Variants in PAX7 observed in about 807,000 individuals in gnomAD.
PAX7 encodes the protein paired box 7.
Under a neutral mutation model 50.7 loss-of-function variants are expected in PAX7, and 18 were observed. That is an observed-to-expected ratio of 0.36 (90% confidence interval 0.25 to 0.53). The LOEUF (loss-of-function observed/expected upper bound fraction) is 0.53, where lower values mean the gene tolerates loss of function less well. PAX7 is among the 20% of genes least tolerant of loss of function. The probability of loss-of-function intolerance (pLI) is 0.93; values close to 1 mark genes in which losing one functional copy is unlikely to be tolerated. For missense variants in PAX7, 644 were observed against 702.9 expected (o/e 0.92, Z 0.95); for synonymous variants, 310 against 290.4 (o/e 1.07, Z -0.69).
At position 18,746,912 on chromosome 1, in the gene PAX7, CTT is replaced by C. The variant is rs1931467586; in HGVS notation, c.*1985_*1986del. ...ATGAATAACTGGGGACAAACAGACT[CTT>C]TGGTAGCAGCAGACACATGTGATCC... On this transcript the variant is annotated 3_prime_UTR_variant, in exon 9 of 9. Transcript: ENST00000420770. 3 of 231,806 alleles carry C rather than the reference CTT, an allele frequency of 1.3e-5. No individual in the cohort carries two copies. In the South Asian group the frequency reaches 5.4e-4, roughly 42 times the overall value. 14.4% of individuals were successfully genotyped at this position (231,806 alleles called of 1,614,324 possible).
chr1:18,727,159 A>G (rs1361106707), intron 7 of PAX7, among the ~76,000 whole-genome samples: 4 of 152,194 alleles, frequency 2.6e-5, no homozygotes, highest in African/African-American at 9.6e-5. Flanking sequence ...GATTCTACAC[A>G]TGCACATACA....
chr1:18,674,705 A>G (rs75560762), intron 4 of PAX7, among the ~76,000 whole-genome samples: 3,421 of 152,254 alleles, frequency 0.022, 62 homozygotes, highest in Non-Finnish European at 0.034. Flanking sequence ...CCCTTTTTCC[A>G]CTGTGCTGAT....
chr1:18,734,954 C>A lies in PAX7; in HGVS notation c.1156-678C>A, dbSNP rs116072502. 2.5e-3 allele frequency among the ~76,000 whole-genome samples: 385 copies of A among 152,304 alleles called. 1 individual carries two copies. Among genetic ancestry groups the A allele is most frequent in the African/African-American group, 8.8e-3 (366 of 41,572 alleles). Reference sequence around the variant, plus strand: ...CTCCCCTGGTAGTCTGTGTTGCCAGCACTGACAGTGAGTTCCTATTTGCGG... The same window carrying A: ...CTCCCCTGGTAGTCTGTGTTGCCAGAACTGACAGTGAGTTCCTATTTGCGG... On this transcript the variant is annotated intron_variant, in intron 7 of 8. Coordinates refer to ENST00000420770, the MANE Select transcript of PAX7 (RefSeq NM_001135254.2).
chr1:18,666,776 G>GA (rs2100221209), intron 4 of PAX7, among the ~76,000 whole-genome samples: 1 of 152,236 alleles, frequency 6.6e-6, no homozygotes, highest in East Asian at 1.9e-4. Context: ...GACAGGCTTT[G>GA]AAAGTGAATT....
chr1:18,690,961 A>G (rs2089059840), intron 4 of PAX7, among the ~76,000 whole-genome samples: 1 of 152,160 alleles, frequency 6.6e-6, no homozygotes, highest in African/African-American at 2.4e-5. Context: ...AAGCTTCTTG[A>G]TGGGCAGCTC....
In PAX7 at chr1:18,735,216, G is replaced by A. The variant is rs1186161840; in HGVS notation, c.1156-416G>A. On this transcript the variant is annotated intron_variant, in intron 7 of 8. Coordinates refer to ENST00000420770, the MANE Select transcript of PAX7 (RefSeq NM_001135254.2). This position sits in a 1 kb window ranked among gnomAD's most constrained non-coding sequence, Gnocchi z 4.0. ...GAAGATGGGGCCATCCCAGTCTGAT[G>A]GGGGAGGCACAGTTCTCTGAGCTTG... Among the ~76,000 whole-genome samples, 2 of 152,220 alleles carry A rather than the reference G, an allele frequency of 1.3e-5. No individual in the cohort carries two copies. The highest frequency in any genetic ancestry group is 3.8e-4 in the East Asian group (2 of 5,198).
rs551778966 is a variant in PAX7 at position 18,748,698 on chromosome 1, G to A, written c.*3769G>A. On this transcript the variant is annotated 3_prime_UTR_variant, in exon 9 of 9. Transcript: ENST00000420770. ...GTGTGAGTGGGGTGTGTGCGTGGGCGTGTGGGCGTGAGGTGTGTGTTTAAA... is the reference window on the plus strand; with the variant it reads ...GTGTGAGTGGGGTGTGTGCGTGGGCATGTGGGCGTGAGGTGTGTGTTTAAA... The A allele has an allele frequency of 1.7e-5, 4 of 232,018 alleles. No homozygotes were observed. The highest frequency in any genetic ancestry group is 3.6e-4 in the South Asian group (2 of 5,514). The allele number at this position is 232,018 out of a possible 1,614,324, so 14.4% of individuals were successfully genotyped here.
chr1:18,669,468 C>A (rs1317441619), intron 4 of PAX7, among the ~76,000 whole-genome samples: 1 of 152,216 alleles, frequency 6.6e-6, no homozygotes, highest in Non-Finnish European at 1.5e-5. Flanking sequence ...CCAGTCCCAG[C>A]TCCCTCACTG....
intron 4 of PAX7, among the ~76,000 whole-genome samples, chr1:18,677,855 G>T (rs1455820381): frequency 1.4e-5 from 2 of 146,796 alleles, no homozygotes; most frequent in Admixed American, 6.8e-5. Context: ...AGGCTGAGGT[G>T]GGCAGATCAC....
intron 4 of PAX7, among the ~76,000 whole-genome samples, chr1:18,684,678 C>T (rs777952720): frequency 1.1e-4 from 17 of 152,240 alleles, no homozygotes; most frequent in African/African-American, 4.1e-4. Flanking sequence ...GGCCCACACT[C>T]GCCAGCTCTC....
intron 7 of PAX7, among the ~76,000 whole-genome samples, chr1:18,722,211 G>A (rs543064041): frequency 1.3e-5 from 2 of 152,312 alleles, no homozygotes; most frequent in South Asian, 2.1e-4. Flanking sequence ...GAGTGGGGTC[G>A]TAATCAGAGC....
At position 18,631,303 on chromosome 1, in the gene PAX7, G is replaced by C. The variant is rs1048209173; in HGVS notation, c.-301G>C. ...GCATCAGCCCGCACAACTTCTGGCCGAGGCCAGCCGGCAGAGGCGGACTTG... is the reference window on the plus strand; with the variant it reads ...GCATCAGCCCGCACAACTTCTGGCCCAGGCCAGCCGGCAGAGGCGGACTTG... On this transcript the variant is annotated 5_prime_UTR_variant, in exon 1 of 9. Coordinates refer to ENST00000420770, the MANE Select transcript of PAX7 (RefSeq NM_001135254.2). 6.4e-5 allele frequency: 20 copies of C among 310,638 alleles called. No individual in the cohort carries two copies. Among genetic ancestry groups the C allele is most frequent in the African/African-American group, 3.8e-4 (18 of 47,596 alleles). The allele number at this position is 310,638 out of a possible 1,614,324, so 19.2% of individuals were successfully genotyped here.
chr1:18,725,302 G>GCCCCC (rs3216186), intron 7 of PAX7, among the ~76,000 whole-genome samples: 7 of 106,422 alleles, frequency 6.6e-5, no homozygotes, highest in South Asian at 3.6e-4. Flanking sequence ...AGGTGGAGAC[G>GCCCCC]CCCCCCCCCC....
At chr1:18,647,680 G>A (rs2088367725) in intron 4 of PAX7, among the ~76,000 whole-genome samples, 1 of 152,128 alleles carries the variant, frequency 6.6e-6, no homozygotes, top group Non-Finnish European at 1.5e-5. Flanking sequence ...AAAGTACAGG[G>A]CAAACTGGGA....
In PAX7 at chr1:18,743,140, A is replaced by G. The variant is rs533176134; in HGVS notation, c.1403-1674A>G. On this transcript the variant is annotated intron_variant, in intron 8 of 8. Coordinates refer to ENST00000420770, the MANE Select transcript of PAX7 (RefSeq NM_001135254.2). The stretch of plus-strand genomic sequence containing the variant: ...AAGCTCACATTGTGCCAGGCATAGT[A>G]CTAGCTAGCCACTTTGTACGTATTT... Among the ~76,000 whole-genome samples the G allele has an allele frequency of 3.9e-5, 6 of 152,354 alleles. No individual in the cohort carries two copies. In the South Asian group the frequency reaches 1.2e-3, roughly 32 times the overall value.
intron 4 of PAX7, among the ~76,000 whole-genome samples, chr1:18,686,551 GC>G (rs1182028899): frequency 6.6e-6 from 1 of 152,142 alleles, no homozygotes; most frequent in Non-Finnish European, 1.5e-5. Flanking sequence ...CAAGGTACCT[GC>G]TTTTGGTACA....
chr1:18,678,914 T>C (rs1392639016), intron 4 of PAX7, among the ~76,000 whole-genome samples: 1 of 152,188 alleles, frequency 6.6e-6, no homozygotes, highest in African/African-American at 2.4e-5. Flanking sequence ...TTAAGAGGGC[T>C]CTGGGACTGG....
chr1:18,639,544 T>TA (rs1029867660), intron 4 of PAX7, among the ~76,000 whole-genome samples: 9 of 152,248 alleles, frequency 5.9e-5, no homozygotes, highest in Admixed American at 5.9e-4. Context: ...CCCATGCACT[T>TA]AGACTCCCTC....
chr1:18,707,917 G>T (rs560409446), intron 7 of PAX7, among the ~76,000 whole-genome samples: 1 of 152,068 alleles, frequency 6.6e-6, no homozygotes, highest in Non-Finnish European at 1.5e-5. Flanking sequence ...AGAAAACTGA[G>T]GCCAATGACT....
Sources: gnomAD v4.1 joint callset for allele counts (sites outside exome capture counted in the v4.1 genomes callset) on GRCh38, gnomAD v4.1.1 for gene constraint, Gnocchi (gnomAD v3.1) non-coding constraint, MANE v1.5 for transcripts, NCBI Gene and HGNC (gene_info 2026-07-23, HGNC 2026-07-21) for gene names.